The following DEPDC1B variants were observed in gnomAD, a reference collection of about 807,000 sequenced individuals.
DEPDC1B encodes DEP domain-containing protein 1B.
In DEPDC1B, 51 loss-of-function variants were observed where a neutral mutation model predicts 66.5. That is an observed-to-expected ratio of 0.77 (90% CI 0.61 to 0.97). The LOEUF is 0.97. Among genes scored for constraint, DEPDC1B ranks in the 50% least tolerant of loss-of-function variants. DEPDC1B has a pLI of 0.00. For synonymous variants in DEPDC1B, 226 were observed against 223.6 expected, an observed-to-expected ratio of 1.01 and a Z score of -0.10; for missense variants, 552 against 637.1, an observed-to-expected ratio of 0.87 and a Z score of 1.44.
intron 7 of DEPDC1B, chr5:60,628,730 A>C (rs1260892552): frequency 6.6e-6 from 1 of 152,224 alleles, no homozygotes; most frequent in Non-Finnish European, 1.5e-5. Flanking sequence ...CCTTTCCTGC[A>C]TAGAGTCTCA....
intron 7 of DEPDC1B, among the ~76,000 whole-genome samples, chr5:60,619,368 A>G (rs938777196): frequency 1.3e-5 from 2 of 152,258 alleles, no homozygotes; most frequent in African/African-American, 4.8e-5. Context: ...TGCAGATGAC[A>G]TGATTGTATA....
rs1231432022 is a variant in DEPDC1B at position 60,675,874 on chromosome 5, A to G, written c.314+11088T>C. Reference sequence around the variant, plus strand: ...GACTCCATCACTGCTCAAAACACTAACAGTAGCTGCCTTCTCTGTTTCTTT... The same window carrying G: ...GACTCCATCACTGCTCAAAACACTAGCAGTAGCTGCCTTCTCTGTTTCTTT... On this transcript the variant is annotated intron_variant, in intron 2 of 10. Transcript: ENST00000265036. Among the ~76,000 whole-genome samples the G allele has an allele frequency of 3.3e-5, 5 of 150,356 alleles. No individual in the cohort carries two copies. The East Asian group carries it at 7.8e-4, about 23-fold the overall frequency.
chr5:60,667,391 T>C (rs1454749527), intron 2 of DEPDC1B, among the ~76,000 whole-genome samples: 1 of 148,302 alleles, frequency 6.7e-6, no homozygotes, highest in Non-Finnish European at 1.5e-5. Context: ...ATACAAAAAA[T>C]GGATATTTTA....
intron 7 of DEPDC1B, among the ~76,000 whole-genome samples, chr5:60,609,489 T>C (rs754734959): frequency 7.9e-5 from 12 of 152,196 alleles, no homozygotes; most frequent in Non-Finnish European, 1.2e-4. Context: ...AGCAAGTCTC[T>C]GCCGCACAAT....
At chr5:60,665,295 C>T (rs1293588596) in intron 2 of DEPDC1B, among the ~76,000 whole-genome samples, 1 of 152,148 alleles carries the variant, frequency 6.6e-6, no homozygotes, top group South Asian at 2.1e-4. Context: ...CATGATATGG[C>T]CAAATCATTA....
At chr5:60,632,125 A>G (rs974160939) in intron 7 of DEPDC1B, among the ~76,000 whole-genome samples, 11 of 152,194 alleles carry the variant, frequency 7.2e-5, no homozygotes, top group Admixed American at 5.2e-4. Flanking sequence ...TTAATTCACT[A>G]TGAGACTGCA....
At chr5:60,667,774 TAC>T (rs1400457395) in intron 2 of DEPDC1B, among the ~76,000 whole-genome samples, 7 of 115,802 alleles carry the variant, frequency 6.0e-5, no homozygotes, top group African/African-American at 1.3e-4. Flanking sequence ...ATGGATATTT[TAC>T]ATATATATAA....
chr5:60,651,442 T>C (rs758666308), intron 2 of DEPDC1B, among the ~76,000 whole-genome samples: 1 of 151,536 alleles, frequency 6.6e-6, no homozygotes, highest in Non-Finnish European at 1.5e-5. Flanking sequence ...ACAGGAGAAT[T>C]GCCTGAACCC....
chr5:60,616,320 G>T lies in DEPDC1B; in HGVS notation c.899-10464C>A, dbSNP rs547712993. Among the ~76,000 whole-genome samples the T allele has an allele frequency of 5.9e-5, 9 of 152,254 alleles. No individual in the cohort carries two copies. The South Asian group carries it at 1.7e-3, about 28-fold the overall frequency. On this transcript the variant is annotated intron_variant, in intron 7 of 10. Transcript: ENST00000265036. ...TGACTTTGACGAGTTGAGAGCAGAA[G>T]GCTTCAGATGATCAAACTACTCTGA... is the stretch of plus-strand genomic sequence containing the variant.
intron 5 of DEPDC1B, 148 bp from the exon 6 acceptor site, chr5:60,643,007 A>T (rs1345389034): frequency 3.2e-6 from 2 of 617,532 alleles, no homozygotes; most frequent in African/African-American, 3.8e-5. Flanking sequence ...TAGAACATTT[A>T]AAAGATGGAA....
intron 2 of DEPDC1B, among the ~76,000 whole-genome samples, chr5:60,648,434 A>C (rs1753371254): frequency 6.6e-6 from 1 of 152,220 alleles, no homozygotes; most frequent in Non-Finnish European, 1.5e-5. Context: ...ACTCTAAGGC[A>C]CTGCATCTAG....
rs1561385125 is a variant in DEPDC1B at position 60,668,232 on chromosome 5, T to TA, written c.314+18729_314+18730insT. ...TTATATATATATATAAAATGGATAT[T>TA]TTATATATATATATAAAATGGATAT... is the stretch of plus-strand genomic sequence containing the variant. On this transcript the variant is annotated intron_variant, in intron 2 of 10. Transcript: ENST00000265036. Among the ~76,000 whole-genome samples, 66 of 64,454 alleles carry TA rather than the reference T, an allele frequency of 1.0e-3. 1 individual carries two copies. Among genetic ancestry groups the TA allele is most frequent in the African/African-American group, 4.4e-3 (55 of 12,402 alleles). 42.3% of individuals were successfully genotyped at this position (64,454 alleles called of 152,430 possible).
intron 1 of DEPDC1B, among the ~76,000 whole-genome samples, chr5:60,689,774 G>A (rs911521249): frequency 6.6e-6 from 1 of 152,106 alleles, no homozygotes; most frequent in Admixed American, 6.5e-5. Flanking sequence ...AGGTGCAGTG[G>A]CTTACACCCC....
chr5:60,690,369 A>G (rs571723340), intron 1 of DEPDC1B, among the ~76,000 whole-genome samples: 2 of 152,334 alleles, frequency 1.3e-5, no homozygotes, highest in African/African-American at 4.8e-5. Context: ...ACAAAACACT[A>G]TATATAATCT....
At chr5:60,659,701 G>T (rs563394361) in intron 2 of DEPDC1B, among the ~76,000 whole-genome samples, 2 of 152,286 alleles carry the variant, frequency 1.3e-5, no homozygotes, top group South Asian at 4.2e-4. Flanking sequence ...TCCCAACCAT[G>T]ACTTTCTTGA....
At chr5:60,696,633 T>G (rs1056789657) in intron 1 of DEPDC1B, among the ~76,000 whole-genome samples, 4 of 152,174 alleles carry the variant, frequency 2.6e-5, no homozygotes, top group African/African-American at 9.7e-5. Context: ...TTCATGACAT[T>G]ATATTTGAAG....
chr5:60,647,720 TTGAA>T (rs1753355811), intron 2 of DEPDC1B, 187 bp from the exon 3 acceptor site: 1 of 468,158 alleles, frequency 2.1e-6, no homozygotes, highest in Admixed American at 4.4e-5. Context: ...AGAAAGGTGA[TTGAA>T]TACATATTTT....
At chr5:60,686,096 A>G (rs1411586638) in intron 2 of DEPDC1B, among the ~76,000 whole-genome samples, 2 of 152,192 alleles carry the variant, frequency 1.3e-5, no homozygotes, top group East Asian at 1.9e-4. Context: ...AGACAAAGAA[A>G]TGGTTCAGGT....
At chr5:60,639,562 C>G (rs773533190) in intron 6 of DEPDC1B, among the ~76,000 whole-genome samples, 2 of 152,198 alleles carry the variant, frequency 1.3e-5, no homozygotes, top group Non-Finnish European at 2.9e-5. Context: ...GTTGAAGCAA[C>G]CACTGAAACC....
Sources: allele counts gnomAD v4.1 joint callset (sites outside exome capture counted in the v4.1 genomes callset), GRCh38; gene constraint gnomAD v4.1.1; transcripts MANE v1.5; gene names NCBI Gene and HGNC (gene_info 2026-07-23, HGNC 2026-07-21).